The following FBXW8 variants were observed in gnomAD, a reference collection of about 807,000 sequenced individuals.
FBXW8 encodes F-box and WD repeat domain containing 8, also known as F-box/WD repeat-containing protein 8.
A neutral mutation model predicts 65.3 loss-of-function variants in FBXW8; 57 were observed. That is an observed-to-expected ratio of 0.87 (90% CI 0.71 to 1.09). The LOEUF (loss-of-function observed/expected upper bound fraction) is 1.09. Among genes scored for constraint, FBXW8 ranks in the 50% least tolerant of loss-of-function variants. FBXW8 has a pLI of 0.00. For missense variants in FBXW8, 777 were observed against 814.8 expected, an observed-to-expected ratio of 0.95 and a Z score of 0.57; for synonymous variants, 308 against 330.2, an observed-to-expected ratio of 0.93 and a Z score of 0.73.
At chr12:116,923,027 A>G (rs906200349) in intron 1 of FBXW8, among the ~76,000 whole-genome samples, 3 of 152,152 alleles carry the variant, frequency 2.0e-5, no homozygotes, top group African/African-American at 7.2e-5. Context: ...CAACATGACA[A>G]AACCCTGTCT....
In FBXW8 at chr12:117,017,967, TAGAG is replaced by T. The variant is rs973956733; in HGVS notation, c.1368-6173_1368-6170del. Among the ~76,000 whole-genome samples the T allele has an allele frequency of 3.9e-5, 6 of 152,280 alleles. No individual in the cohort carries two copies. The East Asian group carries it at 7.7e-4, about 20-fold the overall frequency. On this transcript the variant is annotated intron_variant, in intron 8 of 10. Transcript: ENST00000652555. Reference sequence around the variant, plus strand: ...TGCTCGTGCTACTGCTGCCTGCTGTTAGAGAGAGAGTGATTGGGGCGTAAATGTT... The same window carrying T: ...TGCTCGTGCTACTGCTGCCTGCTGTTAGAGAGTGATTGGGGCGTAAATGTT...
chr12:116,949,459 G>C (rs960817917), intron 3 of FBXW8, 159 bp from the exon 4 acceptor site: 2 of 658,166 alleles, frequency 3.0e-6, no homozygotes, highest in Non-Finnish European at 5.5e-6. Flanking sequence ...TAGCATGTTA[G>C]TCATCATCTT....
At position 116,926,940 on chromosome 12, in the gene FBXW8, A is replaced by AT. The variant is rs554297511; in HGVS notation, c.319-1073dup. On this transcript the variant is annotated intron_variant, in intron 1 of 10. Coordinates refer to ENST00000652555, the MANE Select transcript of FBXW8 (RefSeq NM_153348.3). ...GGACTCCCTTAAAAACATTGAGGTG[A>AT]TTTTTTTTTTGTTTTGAGACAGCAG... is the stretch of plus-strand genomic sequence containing the variant. Among the ~76,000 whole-genome samples, 397 of 149,918 alleles carry AT rather than the reference A, an allele frequency of 2.6e-3. 5 individuals are homozygous for AT. The highest frequency in any genetic ancestry group is 3.9e-3 in the Non-Finnish European group (263 of 67,228).
chr12:116,985,128 T>C, intron 5 of FBXW8, 78 bp from the exon 6 acceptor site: 4 of 1,346,682 alleles, frequency 3.0e-6, no homozygotes, highest in Middle Eastern at 2.3e-4. Context: ...AATTTTCCTT[T>C]GTGTTGCATG....
At chr12:116,955,048 G>GT (rs398021236) in intron 4 of FBXW8, among the ~76,000 whole-genome samples, 2 of 146,760 alleles carry the variant, frequency 1.4e-5, no homozygotes, top group Non-Finnish European at 3.0e-5. Flanking sequence ...GGGGGGGGGG[G>GT]CCCTGTATTA....
At chr12:117,016,568 TTG>T (rs1387380522) in intron 8 of FBXW8, among the ~76,000 whole-genome samples, 1 of 152,144 alleles carries the variant, frequency 6.6e-6, no homozygotes, top group Non-Finnish European at 1.5e-5. Flanking sequence ...ATTCTGTGGG[TTG>T]TCTTTTCGCT....
intron 4 of FBXW8, among the ~76,000 whole-genome samples, chr12:116,952,105 C>A (rs1360145958): frequency 6.6e-6 from 1 of 152,124 alleles, no homozygotes; most frequent in Non-Finnish European, 1.5e-5. Context: ...CCACACTGTT[C>A]TATTTAGTTA....
intron 2 of FBXW8, among the ~76,000 whole-genome samples, chr12:116,943,932 C>T (rs1405937521): frequency 2.6e-5 from 4 of 152,186 alleles, no homozygotes; most frequent in Non-Finnish European, 5.9e-5. Context: ...CAGATAAAGA[C>T]AAGCCTTGAG....
At chr12:117,013,663 A>G (rs935565489) in intron 8 of FBXW8, among the ~76,000 whole-genome samples, 19 of 152,198 alleles carry the variant, frequency 1.2e-4, no homozygotes, top group African/African-American at 4.6e-4. Context: ...CTTTTACAAT[A>G]GCATCATAAA....
rs1207396193 is a variant in FBXW8, at chr12:116,968,702, T to C, written c.835+3848T>C. The stretch of plus-strand genomic sequence containing the variant: ...AAGCCATGAGAGTGTGCCCGCTTCC[T>C]CACAGTTTTGCCAACAAAGTATGTT... On this transcript the variant is annotated intron_variant, in intron 5 of 10. Transcript: ENST00000652555. 2.0e-5 allele frequency among the ~76,000 whole-genome samples: 3 copies of C among 152,226 alleles called. 1 individual carries two copies. In the East Asian group the frequency reaches 5.8e-4, roughly 29 times the overall value.
At chr12:116,963,263 GTAC>G (rs1258885460) in intron 4 of FBXW8, among the ~76,000 whole-genome samples, 8 of 152,188 alleles carry the variant, frequency 5.3e-5, no homozygotes, top group African/African-American at 1.9e-4. Context: ...TTTGGGTGCA[GTAC>G]TACTAGTAAA....
At chr12:116,941,205 C>A (rs142880455) in intron 2 of FBXW8, among the ~76,000 whole-genome samples, 1 of 152,300 alleles carries the variant, frequency 6.6e-6, no homozygotes, top group Non-Finnish European at 1.5e-5. Flanking sequence ...ATTGCCTGGG[C>A]CCCATTGGCC....
At chr12:116,952,897 C>A (rs1194253110) in intron 4 of FBXW8, among the ~76,000 whole-genome samples, 1 of 152,020 alleles carries the variant, frequency 6.6e-6, no homozygotes, top group Non-Finnish European at 1.5e-5. Context: ...GCCACCACAC[C>A]CAGCTAATTT....
intron 5 of FBXW8, among the ~76,000 whole-genome samples, chr12:116,970,281 C>T (rs565741734): frequency 3.3e-5 from 5 of 152,174 alleles, no homozygotes; most frequent in African/African-American, 1.2e-4. Context: ...AGAGGAGAGA[C>T]GCGATCTGGT....
intron 4 of FBXW8, among the ~76,000 whole-genome samples, chr12:116,953,621 A>C (rs553962321): frequency 3.3e-5 from 5 of 151,564 alleles, no homozygotes; most frequent in Non-Finnish European, 7.4e-5. Context: ...AAATACAAAA[A>C]AATTATCCGG....
chr12:116,997,695 G>A (rs549453548), intron 7 of FBXW8, among the ~76,000 whole-genome samples: 1 of 152,340 alleles, frequency 6.6e-6, no homozygotes, highest in East Asian at 1.9e-4. Context: ...GGTATATTCA[G>A]GCCTGCAGGA....
intron 1 of FBXW8, among the ~76,000 whole-genome samples, chr12:116,927,077 G>A (rs936713228): frequency 1.3e-5 from 2 of 152,174 alleles, no homozygotes; most frequent in African/African-American, 4.8e-5. Context: ...TATTAAGCGA[G>A]TGCTGTTGGG....
intron 3 of FBXW8, 117 bp downstream of exon 3, chr12:116,945,645 G>C: frequency 1.1e-6 from 1 of 918,936 alleles, no homozygotes; most frequent in East Asian, 2.7e-5. Flanking sequence ...GGGGTACACT[G>C]AGCCTCCCCT....
At chr12:116,997,058 A>G (rs1373289717) in intron 7 of FBXW8, among the ~76,000 whole-genome samples, 2 of 152,246 alleles carry the variant, frequency 1.3e-5, no homozygotes, top group African/African-American at 2.4e-5. Context: ...TACATGTTTA[A>G]TATTAAAATA....
Sources: allele counts gnomAD v4.1 joint callset (sites outside exome capture counted in the v4.1 genomes callset), GRCh38; gene constraint gnomAD v4.1.1; transcripts MANE v1.5; gene names NCBI Gene and HGNC (gene_info 2026-07-23, HGNC 2026-07-21).